Variants in SCN3A observed in about 807,000 individuals in gnomAD.
SCN3A encodes sodium voltage-gated channel alpha subunit 3, also known as sodium channel protein type 3 subunit alpha.
SCN3A carries 60 observed loss-of-function variants against 187.6 expected under a neutral mutation model. That is an observed-to-expected ratio of 0.32 (90% CI 0.26 to 0.40). The LOEUF (loss-of-function observed/expected upper bound fraction) is 0.40, where lower values mean the gene tolerates loss of function less well. Among genes scored for constraint, SCN3A ranks in the 10% least tolerant of loss-of-function variants. SCN3A has a pLI of 1.00. For synonymous variants in SCN3A, 788 were observed against 829.2 expected (o/e 0.95, Z 0.85); for missense variants, 1,601 against 2,428.2 (o/e 0.66, Z 7.16).
At chr2:165,162,979 T>C in intron 7 of SCN3A, 151 bp from the exon 8 acceptor site, 2 of 921,644 alleles carry the variant, frequency 2.2e-6, no homozygotes, top group South Asian at 2.8e-5. Context: ...GGGAAATAGA[T>C]GAACAGCAGA....
chr2:165,200,844 C>G (rs1692273313), intron 1 of SCN3A, among the ~76,000 whole-genome samples: 1 of 152,070 alleles, frequency 6.6e-6, no homozygotes, highest in Admixed American at 6.6e-5. Flanking sequence ...TAGAAACAAC[C>G]TTTGGAGGAA....
intron 2 of SCN3A, among the ~76,000 whole-genome samples, chr2:165,177,345 T>G (rs1209958468): frequency 6.6e-6 from 1 of 152,172 alleles, no homozygotes; most frequent in African/African-American, 2.4e-5. Flanking sequence ...TAACCCCTTA[T>G]TGCTTGAATT....
At chr2:165,173,319 G>A (rs12472733) in intron 3 of SCN3A, among the ~76,000 whole-genome samples, 10,500 of 152,082 alleles carry the variant, frequency 0.069, 1,178 homozygotes, top group East Asian at 0.48. Flanking sequence ...CTCTGGAGTC[G>A]AATGCCTGGA....
At chr2:165,119,146 T>C (rs1686524149) in intron 18 of SCN3A, among the ~76,000 whole-genome samples, 1 of 152,170 alleles carries the variant, frequency 6.6e-6, no homozygotes, top group Non-Finnish European at 1.5e-5. Flanking sequence ...GCTCAAGTGA[T>C]TCATCCACCT....
In SCN3A at chr2:165,170,436, A is replaced by G; in HGVS notation, c.377T>C (p.Val126Ala). 6.4e-7 allele frequency: 1 copy of G among 1,566,992 alleles called. No homozygotes were observed. Among genetic ancestry groups the G allele is most frequent in the Non-Finnish European group, 8.8e-7 (1 of 1,137,744 alleles). ...PVRKIAIKIL[V>A]HSLFSMLIMC... ...ATTCACATTAAAAGGATATGAATGTACCAAAATCTTGATAGCAATTTTCCT... is the reference window on the plus strand; with the variant it reads ...ATTCACATTAAAAGGATATGAATGTGCCAAAATCTTGATAGCAATTTTCCT... The change falls in exon 4 of 28, where the codon GTA becomes GCA. Residue 126 changes from valine (V) to alanine (A), a missense_variant. Physicochemically the swap from Val to Ala is moderately conservative, Grantham distance 64. This residue lies in a region of SCN3A where 122 missense variants were observed against 225.1 expected (regional missense o/e 0.54). Transcript: ENST00000283254.
At chr2:165,162,920 A>T in intron 7 of SCN3A, 92 bp from the exon 8 acceptor site, 1 of 1,479,506 alleles carries the variant, frequency 6.8e-7, no homozygotes, top group Non-Finnish European at 9.4e-7. Flanking sequence ...CCCATAAATG[A>T]TTGCTTGACT....
Position 165,176,265 on chromosome 2 carries a change from CATT to C in SCN3A, c.127_129del (p.Asn43del), listed in dbSNP as rs72471101. Reference sequence around the variant, plus strand: ...TTTGGCTTTGGTTTGTTCTCATCATCATTATCTTGTTCCTTTTTGGGCTTCTTG... The same window carrying C: ...TTTGGCTTTGGTTTGTTCTCATCATCATCTTGTTCCTTTTTGGGCTTCTTG... On this transcript the variant is annotated inframe_deletion, in exon 3 of 28. Transcript: ENST00000283254. 145,138 of 1,613,962 alleles carry C rather than the reference CATT, an allele frequency of 0.09. 7,425 individuals carry two copies. The highest frequency in any genetic ancestry group is 0.093 in the Non-Finnish European group (109,969 of 1,179,948).
At chr2:165,146,608 A>C in intron 12 of SCN3A, 131 bp downstream of exon 12, 1 of 875,758 alleles carries the variant, frequency 1.1e-6, no homozygotes, top group Non-Finnish European at 1.8e-6. Context: ...GAATTTAAAC[A>C]ACTATATTAA....
At chr2:165,159,450 A>C (rs868497295) in intron 9 of SCN3A, among the ~76,000 whole-genome samples, 6 of 137,144 alleles carry the variant, frequency 4.4e-5, no homozygotes, top group Middle Eastern at 7.1e-3. Flanking sequence ...TCGACCTCCC[A>C]GGCTCAAGTA....
At chr2:165,197,504 C>A (rs570132101) in intron 1 of SCN3A, among the ~76,000 whole-genome samples, 1 of 151,838 alleles carries the variant, frequency 6.6e-6, no homozygotes, top group South Asian at 2.1e-4. Context: ...CAGCTGTGGG[C>A]CACTCTGTGA....
chr2:165,123,705 T>C (rs1256036405), intron 18 of SCN3A, among the ~76,000 whole-genome samples: 3 of 152,186 alleles, frequency 2.0e-5, no homozygotes, highest in African/African-American at 7.2e-5. Flanking sequence ...GTGTGTGTGA[T>C]AGCTATTAAA....
At chr2:165,176,641 CAA>C (rs1222804241) in intron 2 of SCN3A, among the ~76,000 whole-genome samples, 197 bp from the exon 3 acceptor site, 1 of 152,074 alleles carries the variant, frequency 6.6e-6, no homozygotes, top group Non-Finnish European at 1.5e-5. Flanking sequence ...ATAAATCTAT[CAA>C]AAGTCTGTAC....
At chr2:165,105,365 T>C (rs1685799403) in intron 21 of SCN3A, among the ~76,000 whole-genome samples, 1 of 152,166 alleles carries the variant, frequency 6.6e-6, no homozygotes, top group African/African-American at 2.4e-5. Flanking sequence ...TTAATAGTAC[T>C]GAGGGGCTTA....
At chr2:165,099,310 T>C (rs1201613470) in intron 22 of SCN3A, among the ~76,000 whole-genome samples, 1 of 152,154 alleles carries the variant, frequency 6.6e-6, no homozygotes, top group African/African-American at 2.4e-5. Context: ...AAAGTGTGAT[T>C]TTATGTTTAG....
Position 165,089,018 on chromosome 2 carries a change from T to C in SCN3A, c.*1132A>G, listed in dbSNP as rs1437805856. The C allele has an allele frequency of 2.0e-5, 3 of 152,532 alleles. No homozygotes were observed. The highest frequency in any genetic ancestry group is 6.6e-5 in the Admixed American group (1 of 15,266). 9.4% of individuals were successfully genotyped at this position (152,532 alleles called of 1,614,324 possible). The stretch of plus-strand genomic sequence containing the variant: ...TGTGACATTCTTTAACCAAGACTTG[T>C]GAAGAATGGATTGAGTAAAATAGAG... On this transcript the variant is annotated 3_prime_UTR_variant, in exon 28 of 28. Transcript: ENST00000283254.
chr2:165,187,812 T>G (rs1691336767), intron 1 of SCN3A, among the ~76,000 whole-genome samples: 1 of 152,190 alleles, frequency 6.6e-6, no homozygotes, highest in Admixed American at 6.5e-5. Context: ...ACACAAATGC[T>G]AATAATAATA....
chr2:165,104,500 A>G lies in SCN3A; in HGVS notation c.3844-4076T>C, dbSNP rs920148772. Among the ~76,000 whole-genome samples the G allele has an allele frequency of 7.2e-5, 11 of 152,028 alleles. No homozygotes were observed. In the East Asian group the frequency reaches 2.1e-3, roughly 29 times the overall value. On this transcript the variant is annotated intron_variant, in intron 21 of 27. Transcript: ENST00000283254. Reference sequence around the variant, plus strand: ...AGGTTGGTCAAAAATTGAAACATAAAATATAAACTAATGGACAAAGAAACA... The same window carrying G: ...AGGTTGGTCAAAAATTGAAACATAAGATATAAACTAATGGACAAAGAAACA...
At chr2:165,180,949 C>A (rs1258909188) in intron 2 of SCN3A, among the ~76,000 whole-genome samples, 6 of 151,894 alleles carry the variant, frequency 4.0e-5, no homozygotes, top group African/African-American at 1.5e-4. Flanking sequence ...TCCATACTTA[C>A]CATATTAAAA....
At position 165,090,870 on chromosome 2, in the gene SCN3A, A is replaced by C; in HGVS notation, c.5283T>G (p.Val1761=). ...FVSYIIISFL[V]VVNMYIAVIL... Reference sequence around the variant, plus strand: ...TGACCGCGATGTACATGTTCACCACAACCAGGAAGGATATGATGATGTAAC... The same window carrying C: ...TGACCGCGATGTACATGTTCACCACCACCAGGAAGGATATGATGATGTAAC... The change falls in exon 28 of 28, where the codon GTT becomes GTG. Residue 1761 remains valine, a synonymous_variant. Coordinates refer to ENST00000283254, the MANE Select transcript of SCN3A (RefSeq NM_006922.4). This position sits in a 1 kb window ranked among gnomAD's most constrained non-coding sequence, Gnocchi z 4.0. 6.2e-7 allele frequency: 1 copy of C among 1,614,104 alleles called. No homozygotes were observed. The highest frequency in any genetic ancestry group is 8.5e-7 in the Non-Finnish European group (1 of 1,180,004).
Sources: gnomAD v4.1 joint callset for allele counts (sites outside exome capture counted in the v4.1 genomes callset) on GRCh38, gnomAD v4.1.1 for gene constraint, gnomAD v4.1.1 regional missense constraint, Gnocchi (gnomAD v3.1) non-coding constraint, MANE v1.5 for transcripts, NCBI Gene and HGNC (gene_info 2026-07-23, HGNC 2026-07-21) for gene names.